STK32B: variants seen among roughly 807,000 people sequenced by gnomAD.
STK32B encodes the protein serine/threonine-protein kinase 32B.
STK32B carries 43 observed loss-of-function variants against 52.6 expected under a neutral mutation model. The ratio of observed to expected loss-of-function variants is 0.82; its 90% CI spans 0.64 to 1.05. The LOEUF (loss-of-function observed/expected upper bound fraction) is 1.05, where lower values mean the gene tolerates loss of function less well. Among genes scored for constraint, STK32B ranks in the 50% least tolerant of loss-of-function variants. The probability of loss-of-function intolerance (pLI) is 0.00; values close to 1 mark genes in which losing one functional copy is unlikely to be tolerated. For missense variants in STK32B, 621 were observed against 534.6 expected (o/e 1.16, Z -1.59); for synonymous variants, 238 against 204.3 (o/e 1.17, Z -1.41).
chr4:5,229,211 G>A (rs549201255), intron 3 of STK32B, among the ~76,000 whole-genome samples: 12 of 123,836 alleles, frequency 9.7e-5, no homozygotes, highest in Non-Finnish European at 1.5e-4. Flanking sequence ...AATGAGGTAC[G>A]TCTATATTTA....
At chr4:5,331,456 G>C in intron 4 of STK32B, 63 bp downstream of exon 4, 1 of 1,529,254 alleles carries the variant, frequency 6.5e-7, no homozygotes, top group East Asian at 2.3e-5. Flanking sequence ...GTCAGGAGCA[G>C]TCTGCAGTAG....
At chr4:5,126,978 C>T in intron 1 of STK32B, 1 of 421,610 alleles carries the variant, frequency 2.4e-6, no homozygotes, top group South Asian at 1.7e-5. Flanking sequence ...GGGATACTGT[C>T]TATTCCCTCT....
At chr4:5,252,986 C>G (rs983576477) in intron 3 of STK32B, among the ~76,000 whole-genome samples, 1 of 152,138 alleles carries the variant, frequency 6.6e-6, no homozygotes, top group Non-Finnish European at 1.5e-5. Flanking sequence ...CTTCTGCCAC[C>G]ACTGCCAACT....
At chr4:5,291,764 G>A (rs754268189) in intron 3 of STK32B, among the ~76,000 whole-genome samples, 1 of 152,050 alleles carries the variant, frequency 6.6e-6, no homozygotes, top group Non-Finnish European at 1.5e-5. Context: ...TCTCTATTAA[G>A]TCTGATGTGG....
intron 3 of STK32B, among the ~76,000 whole-genome samples, chr4:5,177,319 C>G (rs1442200706): frequency 6.6e-6 from 1 of 152,104 alleles, no homozygotes; most frequent in Admixed American, 6.6e-5. Flanking sequence ...ATAAAACTAT[C>G]AGATCTTATG....
chr4:5,090,371 T>TG (rs1491278891), intron 1 of STK32B, among the ~76,000 whole-genome samples: 1 of 5,626 alleles, frequency 1.8e-4, no homozygotes, highest in Non-Finnish European at 1.4e-3. Flanking sequence ...TTAATCCATC[T>TG]TTTTTTTTTT....
chr4:5,451,810 C>T (rs1193622840), intron 7 of STK32B, among the ~76,000 whole-genome samples: 1 of 152,184 alleles, frequency 6.6e-6, no homozygotes, highest in African/African-American at 2.4e-5. Context: ...ACAGTTGTCC[C>T]TGATTGAGAA....
intron 3 of STK32B, among the ~76,000 whole-genome samples, chr4:5,292,278 C>T (rs1267544777): frequency 6.6e-6 from 1 of 152,068 alleles, no homozygotes; most frequent in Admixed American, 6.6e-5. Context: ...ATGAATGCTT[C>T]CTTTTCTCTG....
intron 1 of STK32B, among the ~76,000 whole-genome samples, chr4:5,080,052 G>GACTAGAGTT (rs71169679): frequency 0.95 from 144,112 of 151,622 alleles, 68,907 homozygotes; most frequent in South Asian, 1. Context: ...ACGGCATGGT[G>GACTAGAGTT]ACTAGAGTTA....
At position 5,218,161 on chromosome 4, in the gene STK32B, T is replaced by A. The variant is rs572651859; in HGVS notation, c.260+49711T>A. On this transcript the variant is annotated intron_variant, in intron 3 of 11. Coordinates refer to ENST00000282908, the MANE Select transcript of STK32B (RefSeq NM_018401.3). The stretch of plus-strand genomic sequence containing the variant: ...CAGAGACACTTCTGCTGCATGCCAC[T>A]GGTAACACAGGCTACTGGGCCGGCC... 1.1e-4 allele frequency among the ~76,000 whole-genome samples: 16 copies of A among 152,272 alleles called. No homozygotes were observed. The South Asian group carries it at 3.3e-3, about 32-fold the overall frequency.
At chr4:5,268,543 GTGTGTGTGTGTGT>G (rs1335084006) in intron 3 of STK32B, among the ~76,000 whole-genome samples, 13 of 63,758 alleles carry the variant, frequency 2.0e-4, no homozygotes, top group Middle Eastern at 7.4e-3. Flanking sequence ...GGTGTGGTGT[GTGTGTGTGTGTGT>G]GTGTGTGTGT....
chr4:5,487,445 A>G (rs994904607), intron 11 of STK32B, among the ~76,000 whole-genome samples: 1 of 152,240 alleles, frequency 6.6e-6, no homozygotes, highest in Non-Finnish European at 1.5e-5. Context: ...ACACAATACA[A>G]TTAGTTTGTA....
chr4:5,171,784 A>G lies in STK32B; in HGVS notation c.260+3334A>G, dbSNP rs1339551601. On this transcript the variant is annotated intron_variant, in intron 3 of 11. Coordinates refer to ENST00000282908, the MANE Select transcript of STK32B (RefSeq NM_018401.3). Reference sequence around the variant, plus strand: ...TCTTTTGGCTTAGGATTGACTTGGCAATGTGGGCTCTGTTTTGGTTCCATA... The same window carrying G: ...TCTTTTGGCTTAGGATTGACTTGGCGATGTGGGCTCTGTTTTGGTTCCATA... 2.7e-5 allele frequency among the ~76,000 whole-genome samples: 4 copies of G among 148,760 alleles called. No individual in the cohort carries two copies. The East Asian group carries it at 6.1e-4, about 23-fold the overall frequency.
chr4:5,306,100 G>T (rs1380284627), intron 3 of STK32B, among the ~76,000 whole-genome samples: 2 of 152,006 alleles, frequency 1.3e-5, no homozygotes, highest in African/African-American at 4.8e-5. Context: ...TCCTAAATTT[G>T]TTGAGGCTTG....
At chr4:5,317,322 T>C (rs1232503023) in intron 3 of STK32B, among the ~76,000 whole-genome samples, 2 of 83,082 alleles carry the variant, frequency 2.4e-5, no homozygotes, top group East Asian at 3.1e-4. Context: ...ATATGTATAA[T>C]ATATATTACA....
In STK32B at chr4:5,117,847, G is replaced by A. The variant is rs374331226; in HGVS notation, c.53-22058G>A. Among the ~76,000 whole-genome samples the A allele has an allele frequency of 2.0e-5, 3 of 151,892 alleles. No homozygotes were observed. The East Asian group carries it at 5.8e-4, about 29-fold the overall frequency. On this transcript the variant is annotated intron_variant, in intron 1 of 11. Transcript: ENST00000282908. ...TTATTCTTCATTTTGTTAATGTGTT[G>A]TATCATGTTTACAGATTTGTGTATG...
At chr4:5,123,169 A>G (rs1715164972) in intron 1 of STK32B, among the ~76,000 whole-genome samples, 1 of 151,844 alleles carries the variant, frequency 6.6e-6, no homozygotes, top group Admixed American at 6.6e-5. Context: ...TGTGTCACTC[A>G]TGCCCCAAGC....
At chr4:5,190,431 G>A (rs1721091365) in intron 3 of STK32B, among the ~76,000 whole-genome samples, 1 of 152,144 alleles carries the variant, frequency 6.6e-6, no homozygotes, top group Non-Finnish European at 1.5e-5. Flanking sequence ...AACCTGTAGA[G>A]GAGTGGGCCA....
chr4:5,453,333 A>G lies in STK32B; in HGVS notation c.667-3474A>G, dbSNP rs568458402. ...AAACAGGGAATGAAATGTAAATGATAAGAAAACATTTACATTTGTTTCTGG... is the reference window on the plus strand; with the variant it reads ...AAACAGGGAATGAAATGTAAATGATGAGAAAACATTTACATTTGTTTCTGG... On this transcript the variant is annotated intron_variant, in intron 7 of 11. Transcript: ENST00000282908. The surrounding 1 kb of genome is among the most constrained non-coding windows in gnomAD (Gnocchi z 4.0). Among the ~76,000 whole-genome samples the G allele has an allele frequency of 6.6e-6, 1 of 152,262 alleles. No homozygotes were observed. The highest frequency in any genetic ancestry group is 2.1e-4 in the South Asian group (1 of 4,804).
Sources: gnomAD v4.1 joint callset for allele counts (sites outside exome capture counted in the v4.1 genomes callset) on GRCh38, gnomAD v4.1.1 for gene constraint, Gnocchi (gnomAD v3.1) non-coding constraint, MANE v1.5 for transcripts, NCBI Gene and HGNC (gene_info 2026-07-23, HGNC 2026-07-21) for gene names.